The following VAT1L variants were observed in gnomAD, a reference collection of about 807,000 sequenced individuals.
VAT1L encodes the protein vesicle amine transport 1 like.
A neutral mutation model predicts 44.1 loss-of-function variants in VAT1L; 34 were observed. That is an observed-to-expected ratio of 0.77 (90% CI 0.59 to 1.03). VAT1L has a LOEUF of 1.03. VAT1L is among the 50% of genes least tolerant of loss of function. The probability of loss-of-function intolerance (pLI) is 0.00; values close to 1 mark genes in which losing one functional copy is unlikely to be tolerated. For missense variants in VAT1L, 615 were observed against 538.8 expected (o/e 1.14, Z -1.40); for synonymous variants, 253 against 202.2 (o/e 1.25, Z -2.13).
At chr16:77,833,304 G>A (rs1362063428) in intron 3 of VAT1L, among the ~76,000 whole-genome samples, 1 of 152,172 alleles carries the variant, frequency 6.6e-6, no homozygotes, top group African/African-American at 2.4e-5. Flanking sequence ...GGAGATACAA[G>A]GTGATATGAG....
chr16:77,827,861 T>A (rs1332134078), intron 3 of VAT1L, among the ~76,000 whole-genome samples: 1 of 152,202 alleles, frequency 6.6e-6, no homozygotes, highest in Non-Finnish European at 1.5e-5. Context: ...ATGCAACTGT[T>A]TCCATGAAGG....
chr16:77,858,653 T>C (rs373782090), intron 3 of VAT1L, among the ~76,000 whole-genome samples: 7 of 152,256 alleles, frequency 4.6e-5, no homozygotes, highest in African/African-American at 1.7e-4. Flanking sequence ...AAGCTGTTAC[T>C]CTAGTGGTGT....
At chr16:77,890,236 C>A (rs765827536) in intron 7 of VAT1L, among the ~76,000 whole-genome samples, 1 of 152,000 alleles carries the variant, frequency 6.6e-6, no homozygotes, top group African/African-American at 2.4e-5. Flanking sequence ...GCATGAACAA[C>A]ATCACAGAAG....
At position 77,824,966 on chromosome 16, in the gene VAT1L, A is replaced by G. The variant is rs2016501851; in HGVS notation, c.364-280A>G. ...ACTGCAACCTCCGCCTCCTGGGTTC[A>G]AGCAGTTCTCCTGCCTCAGCCTCCT... On this transcript the variant is annotated intron_variant, in intron 2 of 8. Transcript: ENST00000302536. Among the ~76,000 whole-genome samples, 4 of 145,886 alleles carry G rather than the reference A, an allele frequency of 2.7e-5. No individual in the cohort carries two copies. In the South Asian group the frequency reaches 8.7e-4, roughly 32 times the overall value.
At chr16:77,931,962 T>TA (rs1383773064) in intron 7 of VAT1L, among the ~76,000 whole-genome samples, 1 of 152,214 alleles carries the variant, frequency 6.6e-6, no homozygotes, top group Non-Finnish European at 1.5e-5. Context: ...GTTTTACCAC[T>TA]AAGGGAGTAG....
intron 7 of VAT1L, among the ~76,000 whole-genome samples, chr16:77,938,562 G>A (rs2017833290): frequency 6.6e-6 from 1 of 152,042 alleles, no homozygotes; most frequent in African/African-American, 2.4e-5. Context: ...GTTTAAAAGT[G>A]TGTGGCACTT....
intron 7 of VAT1L, among the ~76,000 whole-genome samples, chr16:77,933,724 G>T (rs747781634): frequency 6.6e-6 from 1 of 152,186 alleles, no homozygotes; most frequent in African/African-American, 2.4e-5. Context: ...CAAGTGCAAA[G>T]GCCCTGAGGT....
chr16:77,798,293 G>C lies in VAT1L; in HGVS notation c.233+9378G>C, dbSNP rs190191325. Among the ~76,000 whole-genome samples the C allele has an allele frequency of 2.8e-3, 431 of 152,344 alleles. 2 individuals are homozygous for C. Among genetic ancestry groups the C allele is most frequent in the African/African-American group, 9.2e-3 (383 of 41,578 alleles). Reference sequence around the variant, plus strand: ...ACCCAAGCCAGATGAGAGGCAGTAGGCTTCTTGGTTATAAAGTAGTTAATG... The same window carrying C: ...ACCCAAGCCAGATGAGAGGCAGTAGCCTTCTTGGTTATAAAGTAGTTAATG... On this transcript the variant is annotated intron_variant, in intron 1 of 8. Transcript: ENST00000302536.
intron 7 of VAT1L, among the ~76,000 whole-genome samples, chr16:77,938,766 A>G (rs1214505184): frequency 2.0e-5 from 3 of 152,230 alleles, no homozygotes; most frequent in Non-Finnish European, 2.9e-5. Context: ...ACCCAGTCTC[A>G]GGTATTTCTT....
intron 3 of VAT1L, among the ~76,000 whole-genome samples, chr16:77,831,374 G>A (rs73574901): frequency 3.7e-4 from 56 of 152,206 alleles, no homozygotes; most frequent in African/African-American, 1.3e-3. Context: ...TCATAGTACT[G>A]GGTACCTATC....
Position 77,821,709 on chromosome 16 carries a change from T to C in VAT1L, c.364-3537T>C, listed in dbSNP as rs367850719. ...CAATAATAAAAGCAACCATAAGGAG[T>C]TGTCATAAGAATTAAATGCAGTAAT... On this transcript the variant is annotated intron_variant, in intron 2 of 8. Transcript: ENST00000302536. 1.0e-3 allele frequency among the ~76,000 whole-genome samples: 159 copies of C among 152,016 alleles called. 7 individuals carry two copies. In the South Asian group the frequency reaches 0.032, roughly 30 times the overall value.
rs10689119 is a variant in VAT1L, at chr16:77,805,865, C to CTTTTT, written c.234-11045_234-11041dup. Among the ~76,000 whole-genome samples, 330 of 78,844 alleles carry CTTTTT rather than the reference C, an allele frequency of 4.2e-3. 37 individuals carry two copies. The highest frequency in any genetic ancestry group is 0.011 in the African/African-American group (303 of 27,042). The allele number at this position is 78,844 out of a possible 152,430, so 51.7% of individuals were successfully genotyped here. ...GTGTTATTTTTTCCTTAGTCTCTGC[C>CTTTTT]TTTTTTTTTTTTTTTGAGATGGAGT... is the stretch of plus-strand genomic sequence containing the variant. On this transcript the variant is annotated intron_variant, in intron 1 of 8. Coordinates refer to ENST00000302536, the MANE Select transcript of VAT1L (RefSeq NM_020927.3).
At chr16:77,941,388 A>G (rs982630569) in intron 7 of VAT1L, among the ~76,000 whole-genome samples, 1 of 152,200 alleles carries the variant, frequency 6.6e-6, no homozygotes, top group Non-Finnish European at 1.5e-5. Flanking sequence ...GATTTGTATC[A>G]GCAGTTGCTC....
chr16:77,912,110 C>G (rs553901583), intron 7 of VAT1L, among the ~76,000 whole-genome samples: 46 of 152,258 alleles, frequency 3.0e-4, no homozygotes, highest in Admixed American at 2.0e-3. Flanking sequence ...TACACATTTA[C>G]AGAATGCCTA....
At chr16:77,814,732 C>T (rs1001154052) in intron 1 of VAT1L, among the ~76,000 whole-genome samples, 4 of 152,184 alleles carry the variant, frequency 2.6e-5, no homozygotes, top group Admixed American at 2.6e-4. Context: ...TACTGTTATA[C>T]AGTGATGCGT....
rs574112416 is a variant in VAT1L at position 77,967,370 on chromosome 16, G to C, written c.1078-4480G>C. Among the ~76,000 whole-genome samples, 4 of 152,324 alleles carry C rather than the reference G, an allele frequency of 2.6e-5. No individual in the cohort carries two copies. The South Asian group carries it at 8.3e-4, about 32-fold the overall frequency. On this transcript the variant is annotated intron_variant, in intron 7 of 8. Transcript: ENST00000302536. ...CAGACACTTCTAAGAGGCTTGGTGT[G>C]TGTGGATAAAAGGAAGCAACTTATG...
At chr16:77,901,558 A>T (rs1008569823) in intron 7 of VAT1L, among the ~76,000 whole-genome samples, 1 of 152,158 alleles carries the variant, frequency 6.6e-6, no homozygotes, top group African/African-American at 2.4e-5. Context: ...CCTGGGTCCT[A>T]TCAAGTGCCT....
At chr16:77,943,500 C>T (rs996704014) in intron 7 of VAT1L, among the ~76,000 whole-genome samples, 2 of 150,186 alleles carry the variant, frequency 1.3e-5, no homozygotes, top group Middle Eastern at 3.2e-3. Flanking sequence ...CCCGGGTTCA[C>T]GCCATTCTCC....
At chr16:77,923,161 A>G (rs2017630417) in intron 7 of VAT1L, among the ~76,000 whole-genome samples, 1 of 152,136 alleles carries the variant, frequency 6.6e-6, no homozygotes, top group Admixed American at 6.5e-5. Flanking sequence ...GTTAAAAGGA[A>G]TAACTTTGGC....
Sources: allele counts gnomAD v4.1 joint callset (sites outside exome capture counted in the v4.1 genomes callset), GRCh38; gene constraint gnomAD v4.1.1; transcripts MANE v1.5; gene names NCBI Gene and HGNC (gene_info 2026-07-23, HGNC 2026-07-21).